Variants in PRKCE observed in about 807,000 individuals in gnomAD.
PRKCE encodes protein kinase C epsilon, also known as protein kinase C epsilon type.
A neutral mutation model predicts 85.4 loss-of-function variants in PRKCE; 16 were observed. The ratio of observed to expected loss-of-function variants is 0.19; its 90% CI spans 0.13 to 0.28. The LOEUF (loss-of-function observed/expected upper bound fraction) is 0.28, where lower values mean the gene tolerates loss of function less well. Ranked by LOEUF, PRKCE falls within the 10% of genes least tolerant of loss-of-function variation. The probability of loss-of-function intolerance (pLI) is 1.00; values close to 1 mark genes in which losing one functional copy is unlikely to be tolerated. For synonymous variants in PRKCE, 388 were observed against 371.5 expected, an observed-to-expected ratio of 1.04 and a Z score of -0.51; for missense variants, 573 against 975.2, an observed-to-expected ratio of 0.59 and a Z score of 5.49.
intron 10 of PRKCE, chr2:46,010,789 G>C: frequency 1.9e-6 from 3 of 1,592,240 alleles, no homozygotes; most frequent in East Asian, 2.2e-5. Flanking sequence ...CTCACTGTTT[G>C]CTCATTGGAA....
intron 6 of PRKCE, among the ~76,000 whole-genome samples, chr2:45,993,011 C>A (rs1045218754): frequency 1.3e-5 from 2 of 152,202 alleles, no homozygotes; most frequent in Non-Finnish European, 2.9e-5. Flanking sequence ...CCCGGTACAA[C>A]TTTATCCAAA....
chr2:45,978,687 G>T, intron 3 of PRKCE: 15 of 330,758 alleles, frequency 4.5e-5, no homozygotes, highest in Middle Eastern at 8.7e-4. Context: ...AGGGTCGTTT[G>T]TGGCTTTCCA....
At chr2:45,848,715 G>C (rs928004128) in intron 2 of PRKCE, among the ~76,000 whole-genome samples, 1 of 66,034 alleles carries the variant, frequency 1.5e-5, no homozygotes, top group East Asian at 4.1e-4. Flanking sequence ...TTCACAAGAA[G>C]TGTAAAACCC....
intron 1 of PRKCE, among the ~76,000 whole-genome samples, chr2:45,826,688 T>C (rs542100665): frequency 6.6e-6 from 1 of 152,122 alleles, no homozygotes; most frequent in African/African-American, 2.4e-5. Context: ...CCTGCTCCTG[T>C]TCACCCCACC....
intron 2 of PRKCE, among the ~76,000 whole-genome samples, chr2:45,871,066 A>T (rs2105749257): frequency 6.6e-6 from 1 of 152,284 alleles, no homozygotes; most frequent in Admixed American, 6.5e-5. Context: ...TGCTCCAGGG[A>T]CCCTGCAAAT....
chr2:45,715,343 G>A (rs17343478), intron 1 of PRKCE, among the ~76,000 whole-genome samples: 31,901 of 152,210 alleles, frequency 0.21, 3,789 homozygotes, highest in Admixed American at 0.27. Flanking sequence ...GTCTCCTTCT[G>A]TTTTGACCCC....
chr2:45,863,722 G>A lies in PRKCE; in HGVS notation c.412+20659G>A, dbSNP rs905379938. On this transcript the variant is annotated intron_variant, in intron 2 of 14. Coordinates refer to ENST00000306156, the MANE Select transcript of PRKCE (RefSeq NM_005400.3). ...TGACCTGGCCAGCTCTTCCTGGCTC[G>A]GAATACGGCTTGCAAGCAGAGATGG... 3.3e-5 allele frequency among the ~76,000 whole-genome samples: 5 copies of A among 152,012 alleles called. No individual in the cohort carries two copies. The East Asian group carries it at 7.8e-4, about 24-fold the overall frequency.
intron 11 of PRKCE, among the ~76,000 whole-genome samples, chr2:46,142,780 AT>A (rs1217733745): frequency 6.6e-6 from 1 of 152,254 alleles, no homozygotes; most frequent in Non-Finnish European, 1.5e-5. Context: ...ACCTGAGGCA[AT>A]CCTGGGCAGA....
At chr2:45,702,675 T>C (rs1678746550) in intron 1 of PRKCE, among the ~76,000 whole-genome samples, 1 of 152,170 alleles carries the variant, frequency 6.6e-6, no homozygotes, top group Non-Finnish European at 1.5e-5. Flanking sequence ...TATTATATAG[T>C]AGAACCCTTC....
intron 2 of PRKCE, among the ~76,000 whole-genome samples, chr2:45,846,782 C>G (rs1483715643): frequency 6.6e-6 from 1 of 152,134 alleles, no homozygotes; most frequent in Non-Finnish European, 1.5e-5. Flanking sequence ...ATTTCTCACC[C>G]ACAACACAGG....
chr2:45,652,263 G>A lies in PRKCE; in HGVS notation c.163G>A (p.Ala55Thr). ...GGACGACTCGCGCATCGGCCAAACG[G>A]CCACCAAGCAGAAGACCAACAGCCC... ...NVDDSRIGQT[A>T]TKQKTNSPAW... is the part of the protein sequence containing the mutation. Residue 55 changes from alanine to threonine, a missense_variant, in exon 1 of 15, where the codon GCC becomes ACC. Transcript: ENST00000306156. This position sits in a 1 kb window ranked among gnomAD's most constrained non-coding sequence, Gnocchi z 7.7. 6.2e-7 allele frequency: 1 copy of A among 1,613,196 alleles called. No homozygotes were observed. The highest frequency in any genetic ancestry group is 1.7e-5 in the Admixed American group (1 of 59,998).
intron 2 of PRKCE, among the ~76,000 whole-genome samples, chr2:45,936,940 G>C (rs1378078962): frequency 6.6e-6 from 1 of 152,180 alleles, no homozygotes; most frequent in Non-Finnish European, 1.5e-5. Context: ...AGGCACACCT[G>C]TTCAGACTGT....
In PRKCE at chr2:45,999,335, A is replaced by C. The variant is rs569039282; in HGVS notation, c.824-2069A>C. ...GTTTTAATTTCTCCTTCACTTTTGA[A>C]GGATAATATTGCAGGGTAGAGAATT... On this transcript the variant is annotated intron_variant, in intron 6 of 14. Coordinates refer to ENST00000306156, the MANE Select transcript of PRKCE (RefSeq NM_005400.3). 3.9e-4 allele frequency among the ~76,000 whole-genome samples: 60 copies of C among 152,260 alleles called. No individual in the cohort carries two copies. The South Asian group carries it at 6.2e-3, about 16-fold the overall frequency.
At chr2:45,747,269 C>T (rs1683215364) in intron 1 of PRKCE, among the ~76,000 whole-genome samples, 1 of 152,150 alleles carries the variant, frequency 6.6e-6, no homozygotes, top group African/African-American at 2.4e-5. Flanking sequence ...ACTTCAGTGG[C>T]TTTAAGTGAG....
At chr2:45,728,735 T>A (rs1446273577) in intron 1 of PRKCE, among the ~76,000 whole-genome samples, 1 of 152,208 alleles carries the variant, frequency 6.6e-6, no homozygotes, top group Non-Finnish European at 1.5e-5. Context: ...ATCTGAGCAA[T>A]AACAGCTGCT....
intron 1 of PRKCE, among the ~76,000 whole-genome samples, chr2:45,754,003 A>G (rs940052): frequency 0.51 from 77,689 of 151,878 alleles, 20,096 homozygotes; most frequent in South Asian, 0.6. Context: ...TTTGCAGTTG[A>G]ATGAGGAGAT....
intron 2 of PRKCE, among the ~76,000 whole-genome samples, chr2:45,878,881 G>C (rs184891751): frequency 1.3e-4 from 20 of 152,196 alleles, no homozygotes; most frequent in Admixed American, 9.2e-4. Context: ...GTTTGCTCTT[G>C]CTTTTTTAAA....
chr2:46,052,246 A>G (rs796237836), intron 10 of PRKCE, among the ~76,000 whole-genome samples: 7 of 152,344 alleles, frequency 4.6e-5, no homozygotes, highest in African/African-American at 1.7e-4. Context: ...AGAAAATACT[A>G]GTCAATACAC....
intron 2 of PRKCE, among the ~76,000 whole-genome samples, chr2:45,912,821 C>T (rs928537939): frequency 6.6e-6 from 1 of 152,120 alleles, no homozygotes; most frequent in African/African-American, 2.4e-5. Flanking sequence ...GGTCTGGGGC[C>T]ACATGTACAT....
Sources: gnomAD v4.1 joint callset for allele counts (sites outside exome capture counted in the v4.1 genomes callset) on GRCh38, gnomAD v4.1.1 for gene constraint, Gnocchi (gnomAD v3.1) non-coding constraint, MANE v1.5 for transcripts, NCBI Gene and HGNC (gene_info 2026-07-23, HGNC 2026-07-21) for gene names.